Variants in NTRK1 observed in about 807,000 individuals in gnomAD.
The protein encoded by NTRK1 is high affinity nerve growth factor receptor.
A neutral mutation model predicts 86.8 loss-of-function variants in NTRK1; 62 were observed. That is an observed-to-expected ratio of 0.71 (90% CI 0.58 to 0.88). The LOEUF (loss-of-function observed/expected upper bound fraction) is 0.88, where lower values mean the gene tolerates loss of function less well. NTRK1 is among the 40% of genes least tolerant of loss of function. The probability of loss-of-function intolerance (pLI) is 0.00; values close to 1 mark genes in which losing one functional copy is unlikely to be tolerated. For synonymous variants in NTRK1, 469 were observed against 456.6 expected, an observed-to-expected ratio of 1.03 and a Z score of -0.35; for missense variants, 967 against 1,078.4, an observed-to-expected ratio of 0.90 and a Z score of 1.45.
rs767932081 is a variant in NTRK1 at position 156,862,540 on chromosome 1, T to C, written c.212+1394T>C. On this transcript the variant is annotated intron_variant, in intron 1 of 16. Coordinates refer to ENST00000524377, the MANE Select transcript of NTRK1 (RefSeq NM_002529.4). The stretch of plus-strand genomic sequence containing the variant: ...CCAGAACTGGGGACTAGCAAGCATG[T>C]AGGGTGGTGAGCTGAGATGTCCCCC... Among the ~76,000 whole-genome samples the C allele has an allele frequency of 3.9e-5, 6 of 152,246 alleles. No homozygotes were observed. The South Asian group carries it at 8.3e-4, about 21-fold the overall frequency.
At chr1:156,824,138 A>G (rs1051334618) in intron 1 of NTRK1, among the ~76,000 whole-genome samples, 3 of 152,188 alleles carry the variant, frequency 2.0e-5, no homozygotes, top group African/African-American at 7.2e-5. Context: ...AGCCCTGCCC[A>G]GCTGGCCAGG....
intron 12 of NTRK1, 64 bp downstream of exon 12, chr1:156,875,730 T>TGTGG (rs2102916127): frequency 6.4e-7 from 1 of 1,568,330 alleles, no homozygotes; most frequent in Non-Finnish European, 8.7e-7. Flanking sequence ...TGTGTGTGTG[T>TGTGG]GTGTGTAGAA....
intron 1 of NTRK1, among the ~76,000 whole-genome samples, chr1:156,831,747 G>A (rs1231026008): frequency 6.6e-6 from 1 of 152,216 alleles, no homozygotes; most frequent in Non-Finnish European, 1.5e-5. Context: ...AGGAACTAGA[G>A]GATGTGAGGG....
intron 7 of NTRK1, among the ~76,000 whole-genome samples, chr1:156,872,471 T>C (rs929602182): frequency 1.3e-5 from 2 of 152,120 alleles, no homozygotes; most frequent in African/African-American, 4.8e-5. Flanking sequence ...GTGTATTATT[T>C]TGTATCTGGT....
chr1:156,840,964 G>GC (rs1224959325), intron 1 of NTRK1: 5 of 1,613,788 alleles, frequency 3.1e-6, no homozygotes, highest in Admixed American at 1.7e-5. Context: ...GGAGCCCCGG[G>GC]CCCCCCGGCA....
chr1:156,843,794 G>C (rs1654888456), intron 2 of NTRK1, among the ~76,000 whole-genome samples: 1 of 152,194 alleles, frequency 6.6e-6, no homozygotes, highest in Admixed American at 6.5e-5. Context: ...CTGACATCAG[G>C]CATTCTGGAA....
At position 156,879,115 on chromosome 1, in the gene NTRK1, T is replaced by C. The variant is rs1273118036; in HGVS notation, c.1806-7T>C. On this transcript the variant is annotated splice_region_variant and splice_polypyrimidine_tract_variant and intron_variant, in intron 14 of 16. Coordinates refer to ENST00000524377, the MANE Select transcript of NTRK1 (RefSeq NM_002529.4). The stretch of plus-strand genomic sequence containing the variant: ...CAGCCTATCCCCTCTCCTTTTCTTG[T>C]TCACAGATCCCATGGACCTGATGCC... 1 of 1,612,054 alleles carries C rather than the reference T, an allele frequency of 6.2e-7. No individual in the cohort carries two copies. The highest frequency in any genetic ancestry group is 8.5e-7 in the Non-Finnish European group (1 of 1,179,668).
At position 156,864,373 on chromosome 1, in the gene NTRK1, C is replaced by T. The variant is rs1024522996; in HGVS notation, c.232C>T (p.His78Tyr). ...CCACAGCTACATCGAGAACCAGCAGCATCTGCAGCATCTGGAGCTCCGTGA... is the reference window on the plus strand; with the variant it reads ...CCACAGCTACATCGAGAACCAGCAGTATCTGCAGCATCTGGAGCTCCGTGA... ...LTELYIENQQ[H>Y]LQHLELRDLR... The change falls in exon 2 of 17, where the codon CAT (histidine) becomes TAT (tyrosine). Residue 78 changes from histidine to tyrosine, a missense_variant. Around this residue, in one of 2 missense-constraint regions of NTRK1, gnomAD observed 330 missense variants for 302.0 expected, o/e 1.09. Transcript: ENST00000524377. 4 of 1,614,070 alleles carry T rather than the reference C, an allele frequency of 2.5e-6. No homozygotes were observed. The highest frequency in any genetic ancestry group is 1.3e-5 in the African/African-American group (1 of 74,930).
In NTRK1 at chr1:156,876,218, C is replaced by T. The variant is rs2102917944; in HGVS notation, c.1632+8C>T. 6.2e-7 allele frequency: 1 copy of T among 1,613,826 alleles called. No individual in the cohort carries two copies. Among genetic ancestry groups the T allele is most frequent in the Non-Finnish European group, 8.5e-7 (1 of 1,180,014 alleles). On this transcript the variant is annotated splice_region_variant and intron_variant, in intron 13 of 16. Transcript: ENST00000524377. Reference sequence around the variant, plus strand: ...ATGCTGGTGGCTGTCAAGGTGAGACCCTGCCCCGGGGGGTACTGCTGGCCT... The same window carrying T: ...ATGCTGGTGGCTGTCAAGGTGAGACTCTGCCCCGGGGGGTACTGCTGGCCT...
At position 156,844,853 on chromosome 1, in the gene NTRK1, G is replaced by A. The variant is rs201409596; in HGVS notation, c.50+2660G>A. The stretch of plus-strand genomic sequence containing the variant: ...ATACCATCAGCCTCTCCTGCGGGAA[G>A]GGGCATCCAGCAGCCGGGCCAAAAG... On this transcript the variant is annotated intron_variant, in intron 2 of 16. Transcript: ENST00000392302. 1.1e-4 allele frequency: 180 copies of A among 1,613,828 alleles called. No individual in the cohort carries two copies. In the African/African-American group the frequency reaches 2.1e-3, roughly 19 times the overall value.
At chr1:156,848,794 A>C in intron 2 of NTRK1, 2 of 1,157,198 alleles carry the variant, frequency 1.7e-6, no homozygotes, top group Non-Finnish European at 2.4e-6. Context: ...CACGGAGTAC[A>C]ACTTGCGGGT....
intron 2 of NTRK1, chr1:156,844,042 C>G: frequency 1.5e-6 from 1 of 661,106 alleles, no homozygotes; most frequent in Non-Finnish European, 2.6e-6. Flanking sequence ...TTCCTCTGTG[C>G]CACCGCAGGG....
chr1:156,868,159 T>A lies in NTRK1; in HGVS notation c.484T>A (p.Trp162Arg), dbSNP rs748653984. ...TTGTGCCCTGCGCTGGCTACAGCGCTGGGAGGAGGAGGGACTGGGCGGAGT... is the reference window on the plus strand; with the variant it reads ...TTGTGCCCTGCGCTGGCTACAGCGCAGGGAGGAGGAGGGACTGGGCGGAGT... Reference protein sequence around the residue: ...CSCALRWLQRWEEEGLGGVPE... With the variant: ...CSCALRWLQRREEEGLGGVPE... The change falls in exon 5 of 17, where the codon TGG (tryptophan) becomes AGG (arginine). Residue 162 changes from tryptophan to arginine, a missense_variant. Coordinates refer to ENST00000524377, the MANE Select transcript of NTRK1 (RefSeq NM_002529.4). 1.9e-6 allele frequency: 3 copies of A among 1,613,896 alleles called. No individual in the cohort carries two copies. Among genetic ancestry groups the A allele is most frequent in the Non-Finnish European group, 1.7e-6 (2 of 1,180,024 alleles).
At chr1:156,817,586 T>A (rs564201902) in intron 1 of NTRK1, among the ~76,000 whole-genome samples, 2 of 151,024 alleles carry the variant, frequency 1.3e-5, no homozygotes, top group Middle Eastern at 3.4e-3. Flanking sequence ...GCTAAGCAGG[T>A]CATCATTAGT....
At chr1:156,862,753 A>G (rs1558096900) in intron 1 of NTRK1, among the ~76,000 whole-genome samples, 2 of 152,164 alleles carry the variant, frequency 1.3e-5, no homozygotes, top group Non-Finnish European at 1.5e-5. Flanking sequence ...ACACCCTGCC[A>G]GCCCACTGCA....
chr1:156,853,777 G>A (rs1655312644), intron 2 of NTRK1: 2 of 1,605,632 alleles, frequency 1.2e-6, no homozygotes, highest in Non-Finnish European at 1.7e-6. Context: ...TGGAGGTCCA[G>A]CATCTGTAGT....
upstream of NTRK1, chr1:156,858,710 C>G: frequency 9.0e-7 from 1 of 1,114,412 alleles, no homozygotes; most frequent in South Asian, 1.2e-5. Context: ...GACACAGAGA[C>G]CAGGGTTCAG....
chr1:156,849,123 C>A (rs1655113726), intron 2 of NTRK1: 2 of 1,597,778 alleles, frequency 1.3e-6, no homozygotes, highest in Non-Finnish European at 8.5e-7. Flanking sequence ...CGCGGCATCC[C>A]ATTCCCAGTG....
At chr1:156,876,035 C>A in intron 12 of NTRK1, 45 bp from the exon 13 acceptor site, 2 of 1,614,022 alleles carry the variant, frequency 1.2e-6, no homozygotes, top group Non-Finnish European at 1.7e-6. Flanking sequence ...CAACCCCAGC[C>A]CTCCCAAGAC....
Sources: gnomAD v4.1 joint callset for allele counts (sites outside exome capture counted in the v4.1 genomes callset) on GRCh38, gnomAD v4.1.1 for gene constraint, gnomAD v4.1.1 regional missense constraint, MANE v1.5 for transcripts, NCBI Gene and HGNC (gene_info 2026-07-23, HGNC 2026-07-21) for gene names.